Variants in CDH12 observed in about 807,000 individuals in gnomAD.
CDH12 encodes the protein cadherin-12.
Under a neutral mutation model 74.1 loss-of-function variants are expected in CDH12, and 41 were observed. That is an observed-to-expected ratio of 0.55 (90% CI 0.43 to 0.72). The LOEUF (loss-of-function observed/expected upper bound fraction) is 0.72, where lower values mean the gene tolerates loss of function less well. Ranked by LOEUF, CDH12 falls within the 30% of genes least tolerant of loss-of-function variation. The pLI is 0.00. For synonymous variants in CDH12, 399 were observed against 355.0 expected, an observed-to-expected ratio of 1.12 and a Z score of -1.39; for missense variants, 945 against 977.2, an observed-to-expected ratio of 0.97 and a Z score of 0.44.
chr5:22,850,637 CAT>C (rs1737506745), intron 1 of CDH12, among the ~76,000 whole-genome samples: 1 of 152,012 alleles, frequency 6.6e-6, no homozygotes, highest in African/African-American at 2.4e-5. Context: ...TAATTTCTGA[CAT>C]AATTACTTTT....
chr5:22,713,181 G>A (rs868596855), intron 1 of CDH12, among the ~76,000 whole-genome samples: 15 of 106,492 alleles, frequency 1.4e-4, no homozygotes, highest in African/African-American at 3.7e-4. Context: ...TTGCTCTCCC[G>A]CCCATCTGGA....
intron 1 of CDH12, among the ~76,000 whole-genome samples, chr5:22,506,144 T>G (rs1485515145): frequency 6.6e-6 from 1 of 152,124 alleles, no homozygotes; most frequent in Non-Finnish European, 1.5e-5. Flanking sequence ...TAAAGTTCCT[T>G]TTGTTCCTCC....
chr5:22,397,727 C>T (rs1480355556), intron 3 of CDH12, among the ~76,000 whole-genome samples: 3 of 152,042 alleles, frequency 2.0e-5, no homozygotes, highest in Non-Finnish European at 2.9e-5. Context: ...AGTTGAAGCC[C>T]TAATCCGTGG....
Position 22,671,183 on chromosome 5 carries a change from A to G in CDH12, c.-522-165819T>C, listed in dbSNP as rs142282208. On this transcript the variant is annotated intron_variant, in intron 1 of 14. Transcript: ENST00000382254. Reference sequence around the variant, plus strand: ...CTAGTTTGGACATACTAATACACCCATGACACCACCACCATAATCAATGTA... The same window carrying G: ...CTAGTTTGGACATACTAATACACCCGTGACACCACCACCATAATCAATGTA... 3.2e-3 allele frequency among the ~76,000 whole-genome samples: 492 copies of G among 152,250 alleles called. 5 individuals carry two copies. The highest frequency in any genetic ancestry group is 0.011 in the African/African-American group (459 of 41,558).
intron 1 of CDH12, among the ~76,000 whole-genome samples, chr5:22,562,844 A>T (rs1354423547): frequency 7.0e-6 from 1 of 143,098 alleles, no homozygotes; most frequent in Non-Finnish European, 1.5e-5. Flanking sequence ...AAATCTCATA[A>T]ATGATCTCTT....
At chr5:21,885,172 C>A (rs982476181) in intron 6 of CDH12, among the ~76,000 whole-genome samples, 6 of 151,856 alleles carry the variant, frequency 4.0e-5, no homozygotes, top group African/African-American at 1.5e-4. Flanking sequence ...CAGAGATGAG[C>A]CACCGCGCCC....
At chr5:21,999,955 G>A (rs1364384804) in intron 5 of CDH12, among the ~76,000 whole-genome samples, 1 of 152,084 alleles carries the variant, frequency 6.6e-6, no homozygotes, top group Non-Finnish European at 1.5e-5. Context: ...TTAGTACAAT[G>A]CAAATACTTT....
intron 8 of CDH12, among the ~76,000 whole-genome samples, chr5:21,838,608 A>G (rs1295268184): frequency 6.6e-6 from 1 of 152,116 alleles, no homozygotes; most frequent in East Asian, 1.9e-4. Flanking sequence ...CTTATCCTCT[A>G]CATTTTTTGC....
chr5:22,361,482 G>A (rs374974228), intron 3 of CDH12, among the ~76,000 whole-genome samples: 3 of 152,008 alleles, frequency 2.0e-5, no homozygotes, highest in African/African-American at 4.8e-5. Context: ...AAGAATCAAT[G>A]TCGTGAAAAT....
chr5:22,702,530 T>A (rs1467681593), intron 1 of CDH12, among the ~76,000 whole-genome samples: 1 of 152,020 alleles, frequency 6.6e-6, no homozygotes, highest in African/African-American at 2.4e-5. Flanking sequence ...AATCTCTTCC[T>A]CTCTCTTCCC....
In CDH12 at chr5:21,833,322, A is replaced by T. The variant is rs190788600; in HGVS notation, c.814+8839T>A. ...TATATTATATGTTATATGTTATATA[A>T]TATATATTATATATTATATAACATA... On this transcript the variant is annotated intron_variant, in intron 8 of 14. Coordinates refer to ENST00000382254, the MANE Select transcript of CDH12 (RefSeq NM_004061.5). Among the ~76,000 whole-genome samples, 39 of 59,120 alleles carry T rather than the reference A, an allele frequency of 6.6e-4. 14 individuals carry two copies. Among genetic ancestry groups the T allele is most frequent in the African/African-American group, 4.7e-3 (35 of 7,480 alleles). The allele number at this position is 59,120 out of a possible 152,430, so 38.8% of individuals were successfully genotyped here. A position where few individuals can be genotyped will look rare whatever the true frequency, so the allele number is the denominator to read the frequency against.
chr5:22,718,556 G>A (rs1440681924), intron 1 of CDH12, among the ~76,000 whole-genome samples: 1 of 152,310 alleles, frequency 6.6e-6, no homozygotes, highest in South Asian at 2.1e-4. Flanking sequence ...CTTACTGAGA[G>A]AGAGAGCCCT....
At chr5:22,126,040 C>T (rs1426441976) in intron 4 of CDH12, among the ~76,000 whole-genome samples, 1 of 149,930 alleles carries the variant, frequency 6.7e-6, no homozygotes, top group African/African-American at 2.4e-5. Context: ...TAATATTGTC[C>T]TTTTTTTCTA....
intron 5 of CDH12, among the ~76,000 whole-genome samples, chr5:22,033,992 G>T (rs562225323): frequency 1.3e-5 from 2 of 152,262 alleles, no homozygotes; most frequent in South Asian, 4.1e-4. Flanking sequence ...CTGGCACCTT[G>T]TAAGTCTTCA....
intron 2 of CDH12, among the ~76,000 whole-genome samples, chr5:22,451,239 A>G (rs1745030975): frequency 6.6e-6 from 1 of 151,942 alleles, no homozygotes; most frequent in South Asian, 2.1e-4. Flanking sequence ...AGAGTAAGTG[A>G]TCAAATGAAT....
chr5:21,918,192 A>C (rs1484788867), intron 6 of CDH12, among the ~76,000 whole-genome samples: 1 of 152,224 alleles, frequency 6.6e-6, no homozygotes, highest in Non-Finnish European at 1.5e-5. Flanking sequence ...TTATAAAATT[A>C]GTATTTTATA....
At chr5:21,881,878 T>C (rs1340066562) in intron 6 of CDH12, among the ~76,000 whole-genome samples, 1 of 152,304 alleles carries the variant, frequency 6.6e-6, no homozygotes, top group Admixed American at 6.5e-5. Flanking sequence ...TAATATCATT[T>C]AAAAATCTAG....
intron 6 of CDH12, among the ~76,000 whole-genome samples, chr5:21,885,728 G>A (rs1406743838): frequency 6.6e-6 from 1 of 152,078 alleles, no homozygotes; most frequent in East Asian, 1.9e-4. Flanking sequence ...CTTTAATTAT[G>A]TTTCTTGTTT....
chr5:22,467,887 G>A (rs1041835585), intron 2 of CDH12, among the ~76,000 whole-genome samples: 38 of 152,154 alleles, frequency 2.5e-4, no homozygotes, highest in Admixed American at 2.2e-3. Flanking sequence ...TTTTATTTAG[G>A]TTTCTAAACA....
Sources: allele counts gnomAD v4.1 joint callset (sites outside exome capture counted in the v4.1 genomes callset), GRCh38; gene constraint gnomAD v4.1.1; transcripts MANE v1.5; gene names NCBI Gene and HGNC (gene_info 2026-07-23, HGNC 2026-07-21).